Variants in NTN4 observed in about 807,000 individuals in gnomAD.
NTN4 encodes the protein netrin-4.
A neutral mutation model predicts 73.6 loss-of-function variants in NTN4; 32 were observed. The observed-to-expected ratio is 0.44, with a 90% CI of 0.33 to 0.58. The LOEUF (loss-of-function observed/expected upper bound fraction) is 0.58, where lower values mean the gene tolerates loss of function less well. Among genes scored for constraint, NTN4 ranks in the 20% least tolerant of loss-of-function variants. The pLI is 0.04. For missense variants in NTN4, 654 were observed against 798.3 expected, an observed-to-expected ratio of 0.82 and a Z score of 2.18; for synonymous variants, 258 against 287.5, an observed-to-expected ratio of 0.90 and a Z score of 1.04.
intron 2 of NTN4, among the ~76,000 whole-genome samples, chr12:95,778,268 A>T (rs2079108382): frequency 1.3e-5 from 2 of 152,188 alleles, no homozygotes; most frequent in Admixed American, 1.3e-4. Context: ...AAGCAAGAGC[A>T]AACACATTCA....
chr12:95,769,137 G>A (rs11108251), intron 2 of NTN4, among the ~76,000 whole-genome samples: 1 of 151,904 alleles, frequency 6.6e-6, no homozygotes, highest in African/African-American at 2.4e-5. Context: ...AAACTTGAGA[G>A]TGGAAAACAT....
intron 2 of NTN4, among the ~76,000 whole-genome samples, chr12:95,771,283 G>A (rs1006996276): frequency 2.0e-5 from 3 of 152,070 alleles, no homozygotes; most frequent in African/African-American, 4.8e-5. Context: ...GCCACCGCGC[G>A]GGGCCAAGAA....
At chr12:95,742,051 C>A (rs2078830603) in intron 2 of NTN4, among the ~76,000 whole-genome samples, 1 of 152,182 alleles carries the variant, frequency 6.6e-6, no homozygotes, top group African/African-American at 2.4e-5. Flanking sequence ...ATCCCTTGAA[C>A]TTTGCCTGAG....
rs1015050844 is a variant in NTN4 at position 95,755,442 on chromosome 12, C to T, written c.586-17298G>A. On this transcript the variant is annotated intron_variant, in intron 2 of 9. Transcript: ENST00000343702. Reference sequence around the variant, plus strand: ...AGCATAATTGACATGTGGGCGTCTGCAGCTGGTTGGTTTAATTTTAGAACA... The same window carrying T: ...AGCATAATTGACATGTGGGCGTCTGTAGCTGGTTGGTTTAATTTTAGAACA... 1.9e-4 allele frequency among the ~76,000 whole-genome samples: 29 copies of T among 152,282 alleles called. 1 individual carries two copies. Among genetic ancestry groups the T allele is most frequent in the South Asian group, 4.1e-4 (2 of 4,828 alleles).
intron 5 of NTN4, among the ~76,000 whole-genome samples, chr12:95,709,502 T>C (rs2078546258): frequency 6.6e-6 from 1 of 152,096 alleles, no homozygotes; most frequent in African/African-American, 2.4e-5. Context: ...TCTTTTTCTT[T>C]TCTTTCCTTT....
At chr12:95,721,903 C>T (rs1447704327) in intron 3 of NTN4, among the ~76,000 whole-genome samples, 1 of 152,142 alleles carries the variant, frequency 6.6e-6, no homozygotes, top group African/African-American at 2.4e-5. Flanking sequence ...TTCAGAAGTG[C>T]AAGTGTGCAT....
intron 3 of NTN4, among the ~76,000 whole-genome samples, chr12:95,725,713 T>A (rs1344741111): frequency 6.6e-6 from 1 of 152,210 alleles, no homozygotes; most frequent in Admixed American, 6.5e-5. Flanking sequence ...TGTTAATTCA[T>A]TCAGATGCTT....
chr12:95,672,222 G>C, intron 7 of NTN4: 3 of 598,102 alleles, frequency 5.0e-6, no homozygotes, highest in South Asian at 1.9e-5. Context: ...CGGGCGGGGG[G>C]AGGGAGGGGA....
At chr12:95,672,118 T>C (rs954857765) in intron 7 of NTN4, among the ~76,000 whole-genome samples, 8 of 151,384 alleles carry the variant, frequency 5.3e-5, no homozygotes, top group Non-Finnish European at 1.0e-4. Flanking sequence ...CCCAGGAGTC[T>C]AAGACCAGGC....
rs2078242342 is a variant in NTN4 at position 95,672,671 on chromosome 12, C to T, written c.1511-2525G>A. ...CTGGAGGTGCTCCTATGATGTCCCA[C>T]CACCCTGCTGGAGCCTGACCATCCT... On this transcript the variant is annotated intron_variant, in intron 7 of 9. Coordinates refer to ENST00000343702, the MANE Select transcript of NTN4 (RefSeq NM_021229.4). 6.1e-6 allele frequency: 9 copies of T among 1,477,472 alleles called. No homozygotes were observed. In the East Asian group the frequency reaches 1.4e-4, roughly 22 times the overall value. The allele number at this position is 1,477,472 out of a possible 1,614,324, so 91.5% of individuals were successfully genotyped here.
At chr12:95,715,442 C>G (rs867810533) in intron 3 of NTN4, among the ~76,000 whole-genome samples, 1 of 151,978 alleles carries the variant, frequency 6.6e-6, no homozygotes, top group Non-Finnish European at 1.5e-5. Context: ...ACTATAGATT[C>G]AATTCACTGG....
chr12:95,785,134 T>C (rs2079158463), intron 2 of NTN4, among the ~76,000 whole-genome samples: 1 of 152,206 alleles, frequency 6.6e-6, no homozygotes, highest in Non-Finnish European at 1.5e-5. Flanking sequence ...CTTTAAATAA[T>C]TGCTGGACTG....
At chr12:95,685,339 A>T (rs2078353400) in intron 5 of NTN4, among the ~76,000 whole-genome samples, 1 of 152,144 alleles carries the variant, frequency 6.6e-6, no homozygotes, top group Non-Finnish European at 1.5e-5. Context: ...AATCTTTTTC[A>T]TCTTCCCACT....
chr12:95,762,837 C>T (rs558739918), intron 2 of NTN4, among the ~76,000 whole-genome samples: 38 of 152,240 alleles, frequency 2.5e-4, no homozygotes, highest in Non-Finnish European at 2.4e-4. Context: ...ATTCTGGGCT[C>T]GAAAGAGAAA....
intron 2 of NTN4, among the ~76,000 whole-genome samples, chr12:95,783,138 C>G (rs1018908032): frequency 3.9e-5 from 6 of 152,150 alleles, no homozygotes; most frequent in African/African-American, 1.4e-4. Flanking sequence ...GATGCCTAGC[C>G]CCAGGCCTGT....
In NTN4 at chr12:95,749,913, T is replaced by C. The variant is rs1214134146; in HGVS notation, c.586-11769A>G. Among the ~76,000 whole-genome samples, 110 of 131,696 alleles carry C rather than the reference T, an allele frequency of 8.4e-4. 1 individual carries two copies. The highest frequency in any genetic ancestry group is 2.9e-3 in the African/African-American group (97 of 33,584). The allele number at this position is 131,696 out of a possible 152,430, so 86.4% of individuals were successfully genotyped here. A position where few individuals can be genotyped will look rare whatever the true frequency, so the allele number is the denominator to read the frequency against. On this transcript the variant is annotated intron_variant, in intron 2 of 9. Transcript: ENST00000343702. ...TCAACCCCTTCTCCTTCACCCTTAG[T>C]GGCAAGTCCCGCTTTTCTGGGGGAG...
chr12:95,783,301 T>A (rs145072211), intron 2 of NTN4, among the ~76,000 whole-genome samples: 2 of 152,356 alleles, frequency 1.3e-5, no homozygotes, highest in East Asian at 3.9e-4. Flanking sequence ...TGTCACATCC[T>A]AAATCTCCCA....
chr12:95,674,326 A>C (rs554492936), intron 7 of NTN4, among the ~76,000 whole-genome samples: 2 of 152,184 alleles, frequency 1.3e-5, no homozygotes, highest in African/African-American at 4.8e-5. Flanking sequence ...TTAACCCTTC[A>C]GCCTAGAAGA....
intron 5 of NTN4, among the ~76,000 whole-genome samples, chr12:95,687,740 T>C (rs1045088834): frequency 1.3e-5 from 2 of 152,186 alleles, no homozygotes; most frequent in African/African-American, 4.8e-5. Flanking sequence ...TTGATATGCC[T>C]ATCTCTCTTA....
Sources: allele counts gnomAD v4.1 joint callset (sites outside exome capture counted in the v4.1 genomes callset), GRCh38; gene constraint gnomAD v4.1.1; transcripts MANE v1.5; gene names NCBI Gene and HGNC (gene_info 2026-07-23, HGNC 2026-07-21).